The following ZNF718 variants were observed in gnomAD, a reference collection of about 807,000 sequenced individuals.
ZNF718 encodes zinc finger protein 718.
Under a neutral mutation model 2.6 loss-of-function variants are expected in ZNF718, and 3 were observed. The ratio of observed to expected loss-of-function variants is 1.16; its 90% CI spans 0.53 to 3.01. The LOEUF is 3.01. Among genes scored for constraint, ZNF718 ranks in the 30% most tolerant of loss-of-function variants. The pLI is 0.03. For synonymous variants in ZNF718, 135 were observed against 77.9 expected (o/e 1.73, Z -3.86); for missense variants, 468 against 230.0 (o/e 2.03, Z -6.69).
intron 3 of ZNF718, among the ~76,000 whole-genome samples, chr4:196,590 C>T (rs1288554627): frequency 6.6e-6 from 1 of 152,164 alleles, no homozygotes; most frequent in African/African-American, 2.4e-5. Flanking sequence ...GGTAGGGGTG[C>T]ATGCATAGGC....
At chr4:138,206 C>G (rs1463327301) in intron 3 of ZNF718, among the ~76,000 whole-genome samples, 1 of 152,186 alleles carries the variant, frequency 6.6e-6, no homozygotes, top group Non-Finnish European at 1.5e-5. Flanking sequence ...TATAGTCACT[C>G]TGTGTACTAG....
chr4:198,580 C>T (rs1228724297), intron 3 of ZNF718, among the ~76,000 whole-genome samples: 1 of 152,172 alleles, frequency 6.6e-6, no homozygotes, highest in African/African-American at 2.4e-5. Context: ...GGGAAAGTTA[C>T]CAGGACTGGG....
intron 3 of ZNF718, among the ~76,000 whole-genome samples, chr4:151,458 T>G (rs1716318551): frequency 1.1e-5 from 1 of 90,044 alleles, no homozygotes; most frequent in East Asian, 4.8e-4. Flanking sequence ...TGGAGTAATG[T>G]TTTTTTGTTT....
At chr4:145,761 C>T (rs1716025104) in intron 3 of ZNF718, among the ~76,000 whole-genome samples, 1 of 152,018 alleles carries the variant, frequency 6.6e-6, no homozygotes, top group South Asian at 2.1e-4. Flanking sequence ...CCCAGTGCTT[C>T]TTTTTTTAAA....
chr4:139,119 G>A lies in ZNF718; in HGVS notation c.226+7614G>A, dbSNP rs74499526. 5.6e-3 allele frequency among the ~76,000 whole-genome samples: 850 copies of A among 152,180 alleles called. 10 individuals are homozygous for A. Among genetic ancestry groups the A allele is most frequent in the African/African-American group, 0.019 (799 of 41,518 alleles). ...TGTTTCACTTCCTGTTTAGAAGCTC[G>A]TTAACTGATGTGATTCCATTTGTTC... is the stretch of plus-strand genomic sequence containing the variant. On this transcript the variant is annotated intron_variant, in intron 3 of 3. Transcript: ENST00000510175.
downstream of ZNF718, among the ~76,000 whole-genome samples, chr4:166,163 C>G (rs1302532877): frequency 6.6e-6 from 1 of 152,124 alleles, no homozygotes; most frequent in Non-Finnish European, 1.5e-5. Context: ...ATCCATGTCC[C>G]TACAAAGGAC....
intron 3 of ZNF718, among the ~76,000 whole-genome samples, chr4:143,199 C>T (rs781940049): frequency 9.9e-5 from 15 of 152,134 alleles, no homozygotes; most frequent in Non-Finnish European, 1.6e-4. Flanking sequence ...GGGGGAATTT[C>T]GTTTTGTTTT....
In ZNF718 at chr4:174,484, C is replaced by T. The variant is rs115512620; in HGVS notation, c.227-26597C>T. ...TAATTCTTGTCACTTTGGGAGAGAC[C>T]ATCTCCATCAGCTGTGCAAAATATT... On this transcript the variant is annotated intron_variant and NMD_transcript_variant, in intron 3 of 4. Transcript: ENST00000642529. Among the ~76,000 whole-genome samples the T allele has an allele frequency of 9.5e-3, 1,443 of 152,240 alleles. 19 individuals carry two copies. Among genetic ancestry groups the T allele is most frequent in the South Asian group, 0.034 (166 of 4,828 alleles).
chr4:143,701 C>T lies in ZNF718; in HGVS notation c.226+12196C>T, dbSNP rs927723497. ...TATCCACCCCCATTATATCTTTTAA[C>T]CAAACACGTTTGCTCTTGCCTAGAG... is the stretch of plus-strand genomic sequence containing the variant. On this transcript the variant is annotated intron_variant, in intron 3 of 3. Transcript: ENST00000510175. Among the ~76,000 whole-genome samples the T allele has an allele frequency of 3.9e-4, 60 of 152,130 alleles. 1 individual carries two copies. Among genetic ancestry groups the T allele is most frequent in the Non-Finnish European group, 1.8e-4 (12 of 68,022 alleles).
intron 3 of ZNF718, among the ~76,000 whole-genome samples, chr4:187,214 GT>G (rs1174554645): frequency 4.0e-5 from 6 of 151,414 alleles, no homozygotes; most frequent in Non-Finnish European, 7.4e-5. Flanking sequence ...GTTTTTTGGG[GT>G]TTTTTTTGTT....
downstream of ZNF718, among the ~76,000 whole-genome samples, chr4:168,006 T>G (rs1462822888): frequency 6.6e-6 from 1 of 152,190 alleles, no homozygotes; most frequent in African/African-American, 2.4e-5. Flanking sequence ...ATAGCTCTTA[T>G]TATTTTAAGA....
chr4:159,008 C>G (rs1716701456), intron 3 of ZNF718, among the ~76,000 whole-genome samples: 1 of 149,226 alleles, frequency 6.7e-6, no homozygotes, highest in East Asian at 1.9e-4. Context: ...TTATATTAGT[C>G]CCACTTAGGA....
chr4:168,334 G>A (rs565366561), downstream of ZNF718, among the ~76,000 whole-genome samples: 2 of 152,250 alleles, frequency 1.3e-5, no homozygotes, highest in African/African-American at 2.4e-5. Flanking sequence ...GTCTCTGCCA[G>A]GCTTTGGTAT....
chr4:145,056 A>G (rs1553810998), intron 3 of ZNF718, among the ~76,000 whole-genome samples: 1 of 151,812 alleles, frequency 6.6e-6, no homozygotes, highest in East Asian at 1.9e-4. Context: ...CAGTGTGGGA[A>G]TAATGATACT....
At chr4:125,647 C>G (rs966770728) in intron 1 of ZNF718, among the ~76,000 whole-genome samples, 2 of 152,180 alleles carry the variant, frequency 1.3e-5, no homozygotes, top group African/African-American at 2.4e-5. Flanking sequence ...GCACTGTCCT[C>G]TTCCTCCAGG....
rs1716856454 is a variant in ZNF718 at position 161,561 on chromosome 4, T to C, written c.876T>C (p.Phe292=). The change falls in exon 4 of 4, where the codon TTT becomes TTC. Residue 292 remains phenylalanine, a synonymous_variant. Transcript: ENST00000510175. ...AATGTGAAGAATGTGGTAAAGCCTT[T>C]AAGTGGTCCTCATCCCTTAATGAAC... is the stretch of plus-strand genomic sequence containing the variant. The part of the protein sequence containing the change: ...YYKCEECGKA[F]KWSSSLNEHK... 2.6e-6 allele frequency: 2 copies of C among 780,938 alleles called. No homozygotes were observed. The highest frequency in any genetic ancestry group is 2.4e-5 in the East Asian group (1 of 41,228). 48.4% of individuals were successfully genotyped at this position (780,938 alleles called of 1,614,324 possible). A position where few individuals can be genotyped will look rare whatever the true frequency, so the allele number is the denominator to read the frequency against.
chr4:187,484 C>T (rs917775218), intron 3 of ZNF718, among the ~76,000 whole-genome samples: 1 of 152,176 alleles, frequency 6.6e-6, no homozygotes, highest in Admixed American at 6.5e-5. Context: ...CTTAGCCTCT[C>T]AAAGCACTGG....
intron 3 of ZNF718, among the ~76,000 whole-genome samples, chr4:198,189 A>G (rs1553822300): frequency 2.0e-5 from 3 of 150,262 alleles, no homozygotes; most frequent in Non-Finnish European, 4.4e-5. Context: ...GAGCCAGCAG[A>G]AAAAACCCAG....
chr4:173,198 C>CATAATTTT (rs1553818432), intron 3 of ZNF718, among the ~76,000 whole-genome samples: 4 of 152,010 alleles, frequency 2.6e-5, no homozygotes, highest in Non-Finnish European at 5.9e-5. Context: ...ACCCCTCCAG[C>CATAATTTT]AACTCCGTAC....
Sources: allele counts gnomAD v4.1 joint callset (sites outside exome capture counted in the v4.1 genomes callset), GRCh38; gene constraint gnomAD v4.1.1; transcripts MANE v1.5; gene names NCBI Gene and HGNC (gene_info 2026-07-23, HGNC 2026-07-21).